Variants in LRPAP1 observed in about 807,000 individuals in gnomAD.
LRPAP1 encodes alpha-2-macroglobulin receptor-associated protein.
Under a neutral mutation model 39.9 loss-of-function variants are expected in LRPAP1, and 41 were observed. The ratio of observed to expected loss-of-function variants is 1.03; its 90% CI spans 0.80 to 1.33. The LOEUF (loss-of-function observed/expected upper bound fraction) is 1.33. Ranked by LOEUF, LRPAP1 falls within the 40% of genes most tolerant of loss-of-function variation. LRPAP1 has a pLI of 0.00. For synonymous variants in LRPAP1, 263 were observed against 212.7 expected, an observed-to-expected ratio of 1.24 and a Z score of -2.06; for missense variants, 565 against 482.3, an observed-to-expected ratio of 1.17 and a Z score of -1.61.
chr4:3,518,976 T>G lies in LRPAP1; in HGVS notation c.487A>C (p.Lys163Gln). The G allele has an allele frequency of 6.2e-7, 1 of 1,613,964 alleles. No individual in the cohort carries two copies. Among genetic ancestry groups the G allele is most frequent in the Non-Finnish European group, 8.5e-7 (1 of 1,179,932 alleles). ...KLWHKAKTSG[K>Q]FSGEELDKLW... is the part of the protein sequence containing the mutation. Reference sequence around the variant, plus strand: ...TTGTCCAGTTCTTCGCCGGAGAATTTCCCAGAGGTCTTCGCCTAAGAGGGA... The same window carrying G: ...TTGTCCAGTTCTTCGCCGGAGAATTGCCCAGAGGTCTTCGCCTAAGAGGGA... The change falls in exon 4 of 8, where the codon AAA becomes CAA. Residue 163 changes from lysine to glutamine, a missense_variant. Physicochemically the swap from Lys to Gln is moderately conservative, Grantham distance 53 (BLOSUM62 1). Transcript: ENST00000650182.
intron 2 of LRPAP1, among the ~76,000 whole-genome samples, chr4:3,522,894 C>T (rs921832735): frequency 6.6e-6 from 1 of 152,152 alleles, no homozygotes; most frequent in Admixed American, 6.5e-5. Context: ...GCAGGCACAC[C>T]TGGCTATGGC....
In LRPAP1 at chr4:3,514,729, C is replaced by A; in HGVS notation, c.1011+23G>T. On this transcript the variant is annotated intron_variant, in intron 7 of 7. Coordinates refer to ENST00000650182, the MANE Select transcript of LRPAP1 (RefSeq NM_002337.4). Reference sequence around the variant, plus strand: ...TTCCTGCAGGGGAACTGTGGCCTCCCCGGTCCTGGAACCCGTGCGCACCGT... The same window carrying A: ...TTCCTGCAGGGGAACTGTGGCCTCCACGGTCCTGGAACCCGTGCGCACCGT... 3 of 1,578,390 alleles carry A rather than the reference C, an allele frequency of 1.9e-6. No homozygotes were observed. In the East Asian group the frequency reaches 6.8e-5, roughly 36 times the overall value.
In LRPAP1 at chr4:3,506,002, C is replaced by A. The variant is rs1350073754; in HGVS notation, c.*6972G>T. ...CTGAACCTAGAGATACCTGGAAACC[C>A]AGCTTAGGGAAGTAAAAAAAAAATC... On this transcript the variant is annotated 3_prime_UTR_variant, in exon 8 of 8. Transcript: ENST00000650182. 6.7e-6 allele frequency among the ~76,000 whole-genome samples: 1 copy of A among 148,876 alleles called. No homozygotes were observed. The highest frequency in any genetic ancestry group is 1.5e-5 in the Non-Finnish European group (1 of 66,848).
intron 5 of LRPAP1, 36 bp from the exon 6 acceptor site, chr4:3,516,234 C>T (rs1729696748): frequency 6.6e-7 from 1 of 1,510,302 alleles, no homozygotes; most frequent in Non-Finnish European, 9.0e-7. Flanking sequence ...TCAGCAGCAC[C>T]CGGGGTGCAC....
At position 3,510,305 on chromosome 4, in the gene LRPAP1, T is replaced by C. The variant is rs1192075611; in HGVS notation, c.*2669A>G. 1 of 152,088 alleles carries C rather than the reference T, an allele frequency of 6.6e-6. No homozygotes were observed. Among genetic ancestry groups the C allele is most frequent in the Non-Finnish European group, 1.5e-5 (1 of 68,016 alleles). The allele number at this position is 152,088 out of a possible 1,614,324, so 9.4% of individuals were successfully genotyped here. A position where few individuals can be genotyped will look rare whatever the true frequency, so the allele number is the denominator to read the frequency against. Reference sequence around the variant, plus strand: ...TAAAAAAAATAAAATCAGCCGGGTGTGGTGACACACGCCTGTGGTCGCAGC... The same window carrying C: ...TAAAAAAAATAAAATCAGCCGGGTGCGGTGACACACGCCTGTGGTCGCAGC... On this transcript the variant is annotated 3_prime_UTR_variant, in exon 8 of 8. Coordinates refer to ENST00000650182, the MANE Select transcript of LRPAP1 (RefSeq NM_002337.4).
rs1729400269 is a variant in LRPAP1, at chr4:3,507,935, A to G, written c.*5039T>C. The stretch of plus-strand genomic sequence containing the variant: ...AATGATTTATGTAAATTGTTTTGAT[A>G]ACTTAGATGAAATTCTGCGACAAAC... On this transcript the variant is annotated 3_prime_UTR_variant, in exon 8 of 8. Coordinates refer to ENST00000650182, the MANE Select transcript of LRPAP1 (RefSeq NM_002337.4). 2 of 152,356 alleles carry G rather than the reference A, an allele frequency of 1.3e-5. No individual in the cohort carries two copies. The highest frequency in any genetic ancestry group is 4.1e-4 in the South Asian group (2 of 4,828). 9.4% of individuals were successfully genotyped at this position (152,356 alleles called of 1,614,324 possible). A position where few individuals can be genotyped will look rare whatever the true frequency, so the allele number is the denominator to read the frequency against.
chr4:3,526,419 T>C (rs1367666544), intron 1 of LRPAP1, among the ~76,000 whole-genome samples: 6 of 152,376 alleles, frequency 3.9e-5, no homozygotes, highest in Middle Eastern at 6.8e-3. Context: ...CTTTTATCTA[T>C]ATTTCATTAG....
rs1292744368 is a variant in LRPAP1 at position 3,512,766 on chromosome 4, TG to T, written c.*207del. The T allele has an allele frequency of 1.7e-6, 1 of 581,708 alleles. No homozygotes were observed. The highest frequency in any genetic ancestry group is 1.9e-5 in the African/African-American group (1 of 53,472). The allele number at this position is 581,708 out of a possible 1,614,324, so 36.0% of individuals were successfully genotyped here. A position where few individuals can be genotyped will look rare whatever the true frequency, so the allele number is the denominator to read the frequency against. ...GAAGCCAAGCCCCTTCAGTCAGAGC[TG>T]GGCCGATCTCAGACCCAAATGCTAC... On this transcript the variant is annotated 3_prime_UTR_variant, in exon 8 of 8. Coordinates refer to ENST00000650182, the MANE Select transcript of LRPAP1 (RefSeq NM_002337.4).
At chr4:3,529,304 C>CA (rs1730173944) in intron 1 of LRPAP1, among the ~76,000 whole-genome samples, 1 of 151,962 alleles carries the variant, frequency 6.6e-6, no homozygotes, top group Non-Finnish European at 1.5e-5. Flanking sequence ...GCCTCGGCGA[C>CA]AGAGTGAGAC....
Position 3,507,502 on chromosome 4 carries a change from T to C in LRPAP1, c.*5472A>G, listed in dbSNP as rs1424835318. On this transcript the variant is annotated 3_prime_UTR_variant, in exon 8 of 8. Transcript: ENST00000650182. ...TATTTATACATTATCATCTGCGAAT[T>C]ACTGACATTTGCTTTGGGTCCTAGT... 6.6e-6 allele frequency: 1 copy of C among 152,198 alleles called. No individual in the cohort carries two copies. Among genetic ancestry groups the C allele is most frequent in the African/African-American group, 2.4e-5 (1 of 41,446 alleles). The allele number at this position is 152,198 out of a possible 1,614,324, so 9.4% of individuals were successfully genotyped here. A position where few individuals can be genotyped will look rare whatever the true frequency, so the allele number is the denominator to read the frequency against.
rs901315901 is a variant in LRPAP1 at position 3,505,752 on chromosome 4, C to T, written c.*7222G>A. On this transcript the variant is annotated 3_prime_UTR_variant, in exon 8 of 8. Transcript: ENST00000650182. ...CCGTCTATACCAGCTACCCCAAGAC[C>T]GTCTATACCACCACCCTGGATTACA... Among the ~76,000 whole-genome samples the T allele has an allele frequency of 5.3e-5, 8 of 152,214 alleles. No individual in the cohort carries two copies. The highest frequency in any genetic ancestry group is 1.7e-4 in the African/African-American group (7 of 41,456).
intron 2 of LRPAP1, among the ~76,000 whole-genome samples, chr4:3,522,360 C>T (rs1419984847): frequency 2.6e-5 from 4 of 152,258 alleles, no homozygotes; most frequent in Non-Finnish European, 5.9e-5. Context: ...CGGCTGCGAT[C>T]AGCAGCAGGG....
intron 2 of LRPAP1, among the ~76,000 whole-genome samples, 182 bp downstream of exon 2, chr4:3,524,725 A>G (rs553288733): frequency 1.4e-3 from 212 of 152,346 alleles, no homozygotes; most frequent in African/African-American, 4.7e-3. Flanking sequence ...AGCCCCCAAC[A>G]CAAATCCTAA....
At chr4:3,518,545 G>A (rs1368592220) in intron 4 of LRPAP1, among the ~76,000 whole-genome samples, 1 of 152,178 alleles carries the variant, frequency 6.6e-6, no homozygotes, top group Non-Finnish European at 1.5e-5. Context: ...CATTTGGGGA[G>A]GGTCACGAGT....
At chr4:3,519,034 G>A (rs780681647) in intron 3 of LRPAP1, 43 bp from the exon 4 acceptor site, 103 of 1,601,590 alleles carry the variant, frequency 6.4e-5, no homozygotes, top group Non-Finnish European at 8.4e-5. Flanking sequence ...CCGCGGGCTC[G>A]TGTGGCCAGG....
chr4:3,517,745 G>A lies in LRPAP1; in HGVS notation c.751+289C>T, dbSNP rs567578919. The A allele has an allele frequency of 2.0e-4, 68 of 344,488 alleles. No individual in the cohort carries two copies. In the South Asian group the frequency reaches 2.9e-3, roughly 15 times the overall value. The allele number at this position is 344,488 out of a possible 1,614,324, so 21.3% of individuals were successfully genotyped here. On this transcript the variant is annotated intron_variant, in intron 5 of 7. Transcript: ENST00000650182. ...GGCCAACAGCAGCACGGGAGGGGCC[G>A]TGCTGCTGAGGCTGGGGAGACGCTG... is the stretch of plus-strand genomic sequence containing the variant.
chr4:3,520,544 A>G (rs557061925), intron 2 of LRPAP1, among the ~76,000 whole-genome samples: 3 of 152,294 alleles, frequency 2.0e-5, no homozygotes, highest in South Asian at 2.1e-4. Context: ...AAGAGTGGTT[A>G]CCGATTGGCC....
intron 5 of LRPAP1, 32 bp from the exon 6 acceptor site, chr4:3,516,230 G>A: frequency 6.5e-7 from 1 of 1,528,896 alleles, no homozygotes; most frequent in Non-Finnish European, 8.9e-7. Flanking sequence ...GGCCTCAGCA[G>A]CACCCGGGGT....
At chr4:3,515,071 G>A (rs1729652666) in intron 6 of LRPAP1, 143 bp from the exon 7 acceptor site, 1 of 892,022 alleles carries the variant, frequency 1.1e-6, no homozygotes, top group Admixed American at 2.4e-5. Context: ...GCAATGAGGG[G>A]GCGGCAGCTG....
Sources: allele counts gnomAD v4.1 joint callset (sites outside exome capture counted in the v4.1 genomes callset), GRCh38; gene constraint gnomAD v4.1.1; transcripts MANE v1.5; gene names NCBI Gene and HGNC (gene_info 2026-07-23, HGNC 2026-07-21).